TSPEAR: variants seen among roughly 807,000 people sequenced by gnomAD.
TSPEAR encodes the protein thrombospondin type laminin G domain and EAR repeats, also known as thrombospondin-type laminin G domain and EAR repeat-containing protein.
A neutral mutation model predicts 71.6 loss-of-function variants in TSPEAR; 69 were observed. The ratio of observed to expected loss-of-function variants is 0.96; its 90% CI spans 0.79 to 1.18. The LOEUF is 1.18. TSPEAR is among the 50% of genes most tolerant of loss of function. The pLI is 0.00. For missense variants in TSPEAR, 971 were observed against 894.9 expected (o/e 1.09, Z -1.09); for synonymous variants, 402 against 387.2 (o/e 1.04, Z -0.45).
chr21:44,629,039 G>T (rs587611972), intron 1 of TSPEAR, among the ~76,000 whole-genome samples: 143 of 152,244 alleles, frequency 9.4e-4, no homozygotes, highest in African/African-American at 3.1e-3. Context: ...CAGGAAGGAG[G>T]CCTCCTGGGG....
intron 1 of TSPEAR, among the ~76,000 whole-genome samples, chr21:44,660,740 G>A (rs1392083152): frequency 1.3e-5 from 2 of 152,120 alleles, no homozygotes; most frequent in African/African-American, 2.4e-5. Context: ...GCCGAGGTGG[G>A]TGGATCACCT....
chr21:44,557,928 C>T lies in TSPEAR; in HGVS notation c.303+9857G>A, dbSNP rs587619012. Reference sequence around the variant, plus strand: ...GGAGGGAATCGGCATGAAAGCTCAGCATTGCTGGCTGGAGGTGCAGTGGCT... The same window carrying T: ...GGAGGGAATCGGCATGAAAGCTCAGTATTGCTGGCTGGAGGTGCAGTGGCT... On this transcript the variant is annotated intron_variant, in intron 2 of 11. Coordinates refer to ENST00000323084, the MANE Select transcript of TSPEAR (RefSeq NM_144991.3). 6.6e-5 allele frequency: 77 copies of T among 1,168,890 alleles called. No homozygotes were observed. The African/African-American group carries it at 1.0e-3, about 16-fold the overall frequency. 72.4% of individuals were successfully genotyped at this position (1,168,890 alleles called of 1,614,324 possible).
chr21:44,571,714 G>A (rs1202014770), intron 1 of TSPEAR, among the ~76,000 whole-genome samples: 6 of 152,228 alleles, frequency 3.9e-5, no homozygotes, highest in African/African-American at 7.2e-5. Flanking sequence ...CTTGAGGGCC[G>A]AAGTTGGAAC....
intron 1 of TSPEAR, chr21:44,666,139 T>C (rs1401877315): frequency 8.1e-6 from 3 of 368,924 alleles, no homozygotes; most frequent in Non-Finnish European, 1.5e-5. Context: ...ATCAGCAGAA[T>C]AGATAGCAGG....
intron 1 of TSPEAR, among the ~76,000 whole-genome samples, chr21:44,620,815 T>C (rs1555933375): frequency 6.6e-6 from 1 of 152,244 alleles, no homozygotes; most frequent in Non-Finnish European, 1.5e-5. Context: ...TTTCCCTCTA[T>C]GTACTGCCTT....
intron 1 of TSPEAR, among the ~76,000 whole-genome samples, chr21:44,628,922 CCT>C (rs1383372657): frequency 6.7e-6 from 1 of 148,930 alleles, no homozygotes. Flanking sequence ...TCCAGAGCTC[CCT>C]GTGCTGGGCT....
chr21:44,657,270 C>A (rs149661786), intron 1 of TSPEAR, among the ~76,000 whole-genome samples: 1 of 152,208 alleles, frequency 6.6e-6, no homozygotes. Flanking sequence ...GAGGCCAAGA[C>A]CTCGTTGCTG....
rs1001967366 is a variant in TSPEAR, at chr21:44,648,700, G to A, written c.82+62733C>T. On this transcript the variant is annotated intron_variant, in intron 1 of 11. Coordinates refer to ENST00000323084, the MANE Select transcript of TSPEAR (RefSeq NM_144991.3). ...CCAGCGGGCAGACGCACCCAGGGCC[G>A]CAGCCTCCAGGGCACCAGAGACTTT... 5.9e-5 allele frequency among the ~76,000 whole-genome samples: 9 copies of A among 152,176 alleles called. No homozygotes were observed. The South Asian group carries it at 6.2e-4, about 11-fold the overall frequency.
intron 2 of TSPEAR, among the ~76,000 whole-genome samples, chr21:44,559,515 C>T (rs2053603423): frequency 6.6e-6 from 1 of 152,328 alleles, no homozygotes; most frequent in Middle Eastern, 3.4e-3. Context: ...CTTCTCCTCT[C>T]ACATCTCGGG....
intron 1 of TSPEAR, among the ~76,000 whole-genome samples, chr21:44,589,399 C>T (rs368213542): frequency 1.3e-5 from 2 of 152,196 alleles, no homozygotes; most frequent in South Asian, 2.1e-4. Flanking sequence ...GTCAGTCATG[C>T]TGTGTACATG....
At chr21:44,505,558 CCTCCCCCCT>C (rs2052174541) in intron 10 of TSPEAR, among the ~76,000 whole-genome samples, 5 of 34,562 alleles carry the variant, frequency 1.4e-4, no homozygotes, top group African/African-American at 3.4e-4. Context: ...AACATCACCC[CCTCCCCCCT>C]CCCCCCCCCC....
Position 44,509,384 on chromosome 21 carries a change from C to A in TSPEAR, c.1569G>T (p.Thr523=). Residue 523 remains threonine, a splice_region_variant and synonymous_variant, in exon 10 of 12, where the codon ACG becomes ACT. Coordinates refer to ENST00000323084, the MANE Select transcript of TSPEAR (RefSeq NM_144991.3). ...AGACCTCCCAGTCTGCAGCACCGAA[C>A]GTCTAGGACCAAAGGAGAGCAGGTG... ...GSFQLFQSFP[T]FGAADWEVFQ... 5.0e-6 allele frequency: 8 copies of A among 1,611,244 alleles called. No individual in the cohort carries two copies. The highest frequency in any genetic ancestry group is 6.8e-6 in the Non-Finnish European group (8 of 1,178,728).
chr21:44,627,839 C>T lies in TSPEAR; in HGVS notation c.83-59834G>A. ...TGCCAGCCGGCTTGCTGCACCACCTCCTGCTGCAGACCCTCCTCCTCTGTG... is the reference window on the plus strand; with the variant it reads ...TGCCAGCCGGCTTGCTGCACCACCTTCTGCTGCAGACCCTCCTCCTCTGTG... On this transcript the variant is annotated intron_variant, in intron 1 of 11. Transcript: ENST00000323084. 4 of 1,613,910 alleles carry T rather than the reference C, an allele frequency of 2.5e-6. No homozygotes were observed. In the South Asian group the frequency reaches 4.4e-5, roughly 18 times the overall value.
intron 1 of TSPEAR, among the ~76,000 whole-genome samples, chr21:44,680,998 AAGAG>A (rs376651620): frequency 1.3e-5 from 2 of 152,242 alleles, no homozygotes; most frequent in Non-Finnish European, 2.9e-5. Context: ...AATCAGCTAG[AAGAG>A]AGAGTGTAAA....
intron 5 of TSPEAR, 116 bp from the exon 6 acceptor site, chr21:44,528,699 G>A: frequency 2.2e-6 from 3 of 1,361,500 alleles, no homozygotes. Flanking sequence ...ATGCGGGCCT[G>A]GAAGGGCCCC....
chr21:44,634,398 A>C (rs1286478768), intron 1 of TSPEAR, among the ~76,000 whole-genome samples: 3 of 152,242 alleles, frequency 2.0e-5, no homozygotes, highest in Non-Finnish European at 4.4e-5. Flanking sequence ...GAAACATAAG[A>C]GTAAATATGT....
At chr21:44,674,723 G>A (rs916518245) in intron 1 of TSPEAR, among the ~76,000 whole-genome samples, 2 of 142,276 alleles carry the variant, frequency 1.4e-5, no homozygotes, top group Admixed American at 1.5e-4. Flanking sequence ...GGGAGACTCT[G>A]TCTTTAAAGT....
intron 1 of TSPEAR, among the ~76,000 whole-genome samples, chr21:44,633,944 T>C (rs1384253118): frequency 1.3e-5 from 2 of 151,930 alleles, no homozygotes; most frequent in Admixed American, 6.5e-5. Context: ...TGTTTATAAC[T>C]GATGTTAGGT....
intron 1 of TSPEAR, among the ~76,000 whole-genome samples, chr21:44,672,130 G>A (rs1986083577): frequency 6.6e-6 from 1 of 152,054 alleles, no homozygotes; most frequent in South Asian, 2.1e-4. Context: ...TTGAAGACTG[G>A]TCTTTTGAAA....
Sources: gnomAD v4.1 joint callset for allele counts (sites outside exome capture counted in the v4.1 genomes callset) on GRCh38, gnomAD v4.1.1 for gene constraint, MANE v1.5 for transcripts, NCBI Gene and HGNC (gene_info 2026-07-23, HGNC 2026-07-21) for gene names.